The following PNPLA6 variants were observed in gnomAD, a reference collection of about 807,000 sequenced individuals.
PNPLA6 encodes the protein patatin like domain 6, lysophospholipase.
PNPLA6 carries 105 observed loss-of-function variants against 153.7 expected under a neutral mutation model. The ratio of observed to expected loss-of-function variants is 0.68; its 90% CI spans 0.58 to 0.80. The LOEUF is 0.80. Among genes scored for constraint, PNPLA6 ranks in the 30% least tolerant of loss-of-function variants. The pLI is 0.00. For missense variants in PNPLA6, 1,423 were observed against 1,919.3 expected, an observed-to-expected ratio of 0.74 and a Z score of 4.83; for synonymous variants, 825 against 822.2, an observed-to-expected ratio of 1.00 and a Z score of -0.06.
Position 7,557,287 on chromosome 19 carries a change from A to G in PNPLA6, c.3397+3A>G. On this transcript the variant is annotated splice_donor_region_variant and intron_variant, in intron 27 of 31. Coordinates refer to ENST00000600737, the MANE Select transcript of PNPLA6 (RefSeq NM_001166114.2). ...CGGCTACATCAACAATCTGCCAGGC[A>G]AGTGGCCGCCCGCACCACCCGCACA... 6.3e-7 allele frequency: 1 copy of G among 1,585,750 alleles called. No individual in the cohort carries two copies. The highest frequency in any genetic ancestry group is 1.7e-5 in the Admixed American group (1 of 59,956).
chr19:7,537,838 C>T (rs545565813), intron 3 of PNPLA6, among the ~76,000 whole-genome samples: 1 of 152,192 alleles, frequency 6.6e-6, no homozygotes, highest in Non-Finnish European at 1.5e-5. Context: ...GACGGGGTTT[C>T]ACCATGTTGG....
chr19:7,551,310 T>A (rs972868327), intron 17 of PNPLA6, 52 bp from the exon 18 acceptor site: 1 of 1,569,310 alleles, frequency 6.4e-7, no homozygotes. Flanking sequence ...AGGTGGGACC[T>A]GGACAGCCGC....
rs2023208675 is a variant in PNPLA6 at position 7,542,682 on chromosome 19, G to A, written c.1362+12G>A. 1 of 1,612,406 alleles carries A rather than the reference G, an allele frequency of 6.2e-7. No homozygotes were observed. Among genetic ancestry groups the A allele is most frequent in the Non-Finnish European group, 8.5e-7 (1 of 1,179,508 alleles). On this transcript the variant is annotated intron_variant, in intron 11 of 31. Coordinates refer to ENST00000600737, the MANE Select transcript of PNPLA6 (RefSeq NM_001166114.2). ...CAGCCCCCGCTCGGGTAAGGCTTGG[G>A]ACCCTGCCCGGTGGTGGAGCCCGCA... is the stretch of plus-strand genomic sequence containing the variant.
chr19:7,555,544 T>C lies in PNPLA6; in HGVS notation c.2937-63T>C. On this transcript the variant is annotated intron_variant, in intron 23 of 31. Transcript: ENST00000600737. The surrounding 1 kb of genome is among the most constrained non-coding windows in gnomAD (Gnocchi z 6.3). The stretch of plus-strand genomic sequence containing the variant: ...TAGCAGTGCGGGAGGTGGGAGGAGG[T>C]AGGGGCAGGGGAGTTCCTGCAGGTG... 3.2e-6 allele frequency: 5 copies of C among 1,556,950 alleles called. No individual in the cohort carries two copies. The highest frequency in any genetic ancestry group is 4.4e-6 in the Non-Finnish European group (5 of 1,141,456).
At chr19:7,543,720 G>A (rs982849841) in intron 13 of PNPLA6, among the ~76,000 whole-genome samples, 24 of 152,094 alleles carry the variant, frequency 1.6e-4, no homozygotes, top group African/African-American at 5.3e-4. Context: ...TGTGGCAGAT[G>A]ATCTAGAAAG....
intron 3 of PNPLA6, among the ~76,000 whole-genome samples, chr19:7,538,080 T>G (rs1046032561): frequency 2.0e-5 from 3 of 152,206 alleles, no homozygotes; most frequent in Admixed American, 6.5e-5. Context: ...TACCCTGATA[T>G]CTTCATGATT....
upstream of PNPLA6, chr19:7,534,343 C>G (rs1230625023): frequency 5.0e-6 from 1 of 198,838 alleles, no homozygotes; most frequent in Admixed American, 5.3e-5. Flanking sequence ...TAACTCTAGA[C>G]TTTCTGATGT....
chr19:7,557,423 C>T (rs2023930743), intron 27 of PNPLA6, 139 bp downstream of exon 27: 8 of 699,822 alleles, frequency 1.1e-5, no homozygotes, highest in Non-Finnish European at 1.8e-5. Context: ...CACACATGCG[C>T]ACACATACGA....
In PNPLA6 at chr19:7,561,327, G is replaced by C; in HGVS notation, c.4023+10G>C. The C allele has an allele frequency of 1.3e-6, 2 of 1,573,020 alleles. No individual in the cohort carries two copies. Among genetic ancestry groups the C allele is most frequent in the Non-Finnish European group, 1.7e-6 (2 of 1,152,442 alleles). ...CACTGCCTCCGAGATGGTGAGAGTG[G>C]GTGGCCCAGGGTCCCCTCACATCCC... On this transcript the variant is annotated intron_variant, in intron 31 of 31. Coordinates refer to ENST00000600737, the MANE Select transcript of PNPLA6 (RefSeq NM_001166114.2).
Position 7,556,628 on chromosome 19 carries a change from C to T in PNPLA6, c.3211-27C>T, listed in dbSNP as rs753216516. 5 of 1,602,748 alleles carry T rather than the reference C, an allele frequency of 3.1e-6. No homozygotes were observed. In the South Asian group the frequency reaches 4.4e-5, roughly 14 times the overall value. On this transcript the variant is annotated intron_variant, in intron 25 of 31. Transcript: ENST00000600737. ...CTCCCCGGAGGAGCCCCCTGCTCCT[C>T]CCCCACCTCGATCCCTGTCCCCGCA...
In PNPLA6 at chr19:7,541,407, G is replaced by A. The variant is rs2023133695; in HGVS notation, c.978G>A (p.Leu326=). Residue 326 remains leucine, a synonymous_variant, in exon 8 of 32, where the codon CTG becomes CTA. Transcript: ENST00000600737. The surrounding 1 kb of genome is among the most constrained non-coding windows in gnomAD (Gnocchi z 5.2). ...CCTTCCTGGCACTGCACAACTACCT[G>A]GGTCTGACCAATGAGCTCTTCAGCC... ...RVTFLALHNY[L]GLTNELFSHE... 3.1e-6 allele frequency: 5 copies of A among 1,613,996 alleles called. No individual in the cohort carries two copies. The highest frequency in any genetic ancestry group is 4.2e-6 in the Non-Finnish European group (5 of 1,179,932).
At chr19:7,545,552 A>C (rs565831194) in intron 13 of PNPLA6, among the ~76,000 whole-genome samples, 2 of 152,288 alleles carry the variant, frequency 1.3e-5, no homozygotes, top group South Asian at 4.1e-4. Context: ...GGCTACCCAA[A>C]GAAGAAAGAA....
chr19:7,537,424 T>C (rs868530219), intron 3 of PNPLA6, among the ~76,000 whole-genome samples: 50 of 152,314 alleles, frequency 3.3e-4, no homozygotes, highest in Middle Eastern at 3.4e-3. Context: ...TTATGAATTT[T>C]CTTGCACTAG....
At chr19:7,556,593 C>T (rs2023888801) in intron 25 of PNPLA6, 24 bp downstream of exon 25, 2 of 1,584,268 alleles carry the variant, frequency 1.3e-6, no homozygotes, top group Non-Finnish European at 1.7e-6. Flanking sequence ...ATCCCCTGCC[C>T]TGCCTACCCC....
chr19:7,542,959 C>A (rs377069407), intron 12 of PNPLA6, 31 bp downstream of exon 12: 1 of 1,613,688 alleles, frequency 6.2e-7, no homozygotes, highest in African/African-American at 1.3e-5. Context: ...GGGCACAGGG[C>A]GCAAGGGAGG....
chr19:7,552,566 G>A (rs1390360930), intron 18 of PNPLA6, among the ~76,000 whole-genome samples: 1 of 152,044 alleles, frequency 6.6e-6, no homozygotes, highest in Non-Finnish European at 1.5e-5. Flanking sequence ...GACCAGCCTG[G>A]CCAACGTGGT....
At chr19:7,557,845 C>G (rs947759317) in intron 27 of PNPLA6, among the ~76,000 whole-genome samples, 4 of 151,376 alleles carry the variant, frequency 2.6e-5, no homozygotes, top group Non-Finnish European at 4.4e-5. Flanking sequence ...GTGTTAAGCA[C>G]AAGTGGATGT....
Position 7,551,176 on chromosome 19 carries a change from T to C in PNPLA6, c.2184+69T>C, listed in dbSNP as rs555341234. ...CCGGGGGGGTGGGGGCCGGGCCTAG[T>C]GTGTGGGCGGGGCTTACAGAGGGGC... On this transcript the variant is annotated intron_variant, in intron 17 of 31. Transcript: ENST00000600737. 96 of 670,328 alleles carry C rather than the reference T, an allele frequency of 1.4e-4. 2 individuals carry two copies. The highest frequency in any genetic ancestry group is 1.3e-3 in the South Asian group (88 of 65,354). 41.5% of individuals were successfully genotyped at this position (670,328 alleles called of 1,614,324 possible).
At chr19:7,536,065 G>C (rs757010707) in intron 1 of PNPLA6, 45 bp downstream of exon 1, 1 of 1,574,996 alleles carries the variant, frequency 6.3e-7, no homozygotes, top group Non-Finnish European at 8.6e-7. Context: ...ATGGTGGGGG[G>C]CCCAAATGCC....
Sources: gnomAD v4.1 joint callset for allele counts (sites outside exome capture counted in the v4.1 genomes callset) on GRCh38, gnomAD v4.1.1 for gene constraint, Gnocchi (gnomAD v3.1) non-coding constraint, MANE v1.5 for transcripts, NCBI Gene and HGNC (gene_info 2026-07-23, HGNC 2026-07-21) for gene names.